The following ANKRD36 variants were observed in gnomAD, a reference collection of about 807,000 sequenced individuals.
ANKRD36 encodes ankyrin repeat domain-containing protein 36A.
A neutral mutation model predicts 278.1 loss-of-function variants in ANKRD36; 179 were observed. The ratio of observed to expected loss-of-function variants is 0.64; its 90% confidence interval spans 0.57 to 0.73. The LOEUF (loss-of-function observed/expected upper bound fraction) is 0.73. Ranked by LOEUF, ANKRD36 falls within the 30% of genes least tolerant of loss-of-function variation. The pLI is 0.00. For synonymous variants in ANKRD36, 320 were observed against 641.1 expected (o/e 0.50, Z 7.57); for missense variants, 1,159 against 1,956.7 (o/e 0.59, Z 7.69).
intron 67 of ANKRD36, among the ~76,000 whole-genome samples, chr2:97,228,486 C>A (rs1326843384): frequency 1.3e-5 from 2 of 152,024 alleles, no homozygotes; most frequent in Non-Finnish European, 2.9e-5. Context: ...GGTGATATCC[C>A]CTTTATCATT....
At chr2:97,208,366 C>G (rs1227718257) in intron 54 of ANKRD36, among the ~76,000 whole-genome samples, 1 of 146,454 alleles carries the variant, frequency 6.8e-6, no homozygotes, top group Non-Finnish European at 1.5e-5. Flanking sequence ...GCTCGTACTG[C>G]CAAGAAAAGA....
At chr2:97,226,542 T>A (rs528100909) in intron 67 of ANKRD36, among the ~76,000 whole-genome samples, 1 of 151,270 alleles carries the variant, frequency 6.6e-6, no homozygotes, top group South Asian at 2.1e-4. Context: ...GTCAGATGAG[T>A]AGGTTGCGAA....
At chr2:97,161,243 A>T (rs2048789648) in intron 17 of ANKRD36, among the ~76,000 whole-genome samples, 1 of 152,300 alleles carries the variant, frequency 6.6e-6, no homozygotes, top group Non-Finnish European at 1.5e-5. Flanking sequence ...ACTCTTTGTA[A>T]TCTACTCTGT....
intron 36 of ANKRD36, among the ~76,000 whole-genome samples, chr2:97,191,660 GA>G (rs1340009467): frequency 2.0e-5 from 3 of 151,660 alleles, no homozygotes; most frequent in Non-Finnish European, 2.9e-5. Flanking sequence ...AGGAAGGTGG[GA>G]AAAGAGGAAG....
intron 63 of ANKRD36, 30 bp downstream of exon 63, chr2:97,217,235 T>G (rs1390762483): frequency 9.7e-6 from 15 of 1,548,362 alleles, no homozygotes; most frequent in African/African-American, 1.4e-5. Flanking sequence ...TATTTTGAAT[T>G]ATTTATTGCA....
chr2:97,165,484 T>C (rs1038768494), intron 20 of ANKRD36, among the ~76,000 whole-genome samples: 3 of 152,174 alleles, frequency 2.0e-5, no homozygotes, highest in African/African-American at 7.2e-5. Context: ...TAGAAGTATT[T>C]CAGATACCCC....
At chr2:97,185,036 C>T (rs2057097107) in intron 28 of ANKRD36, among the ~76,000 whole-genome samples, 1 of 151,754 alleles carries the variant, frequency 6.6e-6, no homozygotes, top group Admixed American at 6.6e-5. Flanking sequence ...CTTTTGTCCT[C>T]ATCATTCAGC....
intron 22 of ANKRD36, among the ~76,000 whole-genome samples, chr2:97,175,768 A>G (rs1340409406): frequency 6.7e-6 from 1 of 149,504 alleles, no homozygotes; most frequent in Non-Finnish European, 1.5e-5. Flanking sequence ...ACTTAGTGCT[A>G]TAAATTTCCC....
chr2:97,152,779 T>C (rs1467288188), intron 14 of ANKRD36, among the ~76,000 whole-genome samples: 5 of 147,324 alleles, frequency 3.4e-5, no homozygotes, highest in African/African-American at 9.7e-5. Flanking sequence ...CAACCCAACA[T>C]TAGACCATCA....
intron 35 of ANKRD36, 26 bp from the exon 36 acceptor site, chr2:97,191,083 A>G: frequency 6.3e-7 from 1 of 1,591,672 alleles, no homozygotes; most frequent in Non-Finnish European, 8.6e-7. Context: ...TTATTTATTT[A>G]TTACTTTCTT....
At chr2:97,138,026 T>C (rs1273794977) in intron 6 of ANKRD36, among the ~76,000 whole-genome samples, 3 of 152,114 alleles carry the variant, frequency 2.0e-5, no homozygotes, top group Non-Finnish European at 4.4e-5. Flanking sequence ...ATGGACAGAT[T>C]GCAAACATTC....
At chr2:97,196,659 G>T in intron 41 of ANKRD36, 38 bp downstream of exon 41, 1 of 1,596,908 alleles carries the variant, frequency 6.3e-7, no homozygotes, top group East Asian at 2.3e-5. Flanking sequence ...ACGAGTTAAT[G>T]TATGGTCTAT....
At chr2:97,173,571 C>A (rs2053313722) in intron 22 of ANKRD36, among the ~76,000 whole-genome samples, 1 of 151,800 alleles carries the variant, frequency 6.6e-6, no homozygotes, top group African/African-American at 2.4e-5. Context: ...ACAGATGTCA[C>A]ATACAGTGGT....
At chr2:97,163,806 A>C (rs1242737728) in intron 18 of ANKRD36, 2 of 683,012 alleles carry the variant, frequency 2.9e-6, no homozygotes, top group East Asian at 2.5e-4. Context: ...CCATCTCCTG[A>C]CTTTGTGATC....
intron 54 of ANKRD36, among the ~76,000 whole-genome samples, chr2:97,208,573 A>C (rs1270007995): frequency 2.7e-4 from 40 of 146,242 alleles, no homozygotes; most frequent in African/African-American, 9.1e-4. Context: ...ATTTTCATAA[A>C]AAATATTTGC....
chr2:97,185,682 C>T (rs990798382), intron 30 of ANKRD36, among the ~76,000 whole-genome samples, 172 bp downstream of exon 30: 8 of 151,696 alleles, frequency 5.3e-5, no homozygotes, highest in Admixed American at 1.3e-4. Context: ...TGGTCTTGGA[C>T]CTGATCTTCG....
chr2:97,202,512 A>G (rs2061671978), intron 48 of ANKRD36, 119 bp downstream of exon 48: 3 of 1,451,520 alleles, frequency 2.1e-6, no homozygotes, highest in South Asian at 1.4e-5. Context: ...CAGGCTGGAG[A>G]TTCTTCATTT....
In ANKRD36 at chr2:97,192,984, A is replaced by T; in HGVS notation, c.2380A>T (p.Thr794Ser). Residue 794 changes from threonine to serine, a missense_variant, in exon 38 of 76, where the codon ACA (threonine) becomes TCA (serine). Physicochemically the swap from Thr to Ser is moderately conservative, Grantham distance 58. Transcript: ENST00000420699. Reference sequence around the variant, plus strand: ...TTTCATTTGAAATTCCATTCAGGCTACAAGTGACGAGGAAGGTTCTGTTTT... The same window carrying T: ...TTTCATTTGAAATTCCATTCAGGCTTCAAGTGACGAGGAAGGTTCTGTTTT... ...SSQKPPALTA[T>S]SDEEGSVLSI... 1 of 1,582,178 alleles carries T rather than the reference A, an allele frequency of 6.3e-7. No individual in the cohort carries two copies. The highest frequency in any genetic ancestry group is 1.1e-5 in the South Asian group (1 of 87,434).
chr2:97,115,318 A>G (rs1479007181), intron 1 of ANKRD36, among the ~76,000 whole-genome samples: 2 of 152,130 alleles, frequency 1.3e-5, no homozygotes, highest in Non-Finnish European at 2.9e-5. Flanking sequence ...AAGAAAGATA[A>G]CAGAAAAAAA....
Sources: allele counts gnomAD v4.1 joint callset (sites outside exome capture counted in the v4.1 genomes callset), GRCh38; gene constraint gnomAD v4.1.1; transcripts MANE v1.5; gene names NCBI Gene and HGNC (gene_info 2026-07-23, HGNC 2026-07-21).